DUSP1: variants seen among roughly 807,000 people sequenced by gnomAD.
DUSP1 encodes the protein dual specificity phosphatase 1.
In DUSP1, 10 loss-of-function variants were observed where a neutral mutation model predicts 27.4. The observed-to-expected ratio is 0.37, with a 90% CI of 0.23 to 0.62. The LOEUF (loss-of-function observed/expected upper bound fraction) is 0.62, where lower values mean the gene tolerates loss of function less well. DUSP1 is among the 20% of genes least tolerant of loss of function. The probability of loss-of-function intolerance (pLI) is 0.68; values close to 1 mark genes in which losing one functional copy is unlikely to be tolerated. For synonymous variants in DUSP1, 262 were observed against 223.6 expected, an observed-to-expected ratio of 1.17 and a Z score of -1.53; for missense variants, 425 against 508.1, an observed-to-expected ratio of 0.84 and a Z score of 1.57.
intron 1 of DUSP1, 27 bp downstream of exon 1, chr5:172,770,559 C>G: frequency 7.1e-7 from 1 of 1,412,262 alleles, no homozygotes; most frequent in Non-Finnish European, 9.1e-7. Context: ...GGTGTGCGGC[C>G]CGCCCCGAGC....
At chr5:172,769,194 T>C (rs1581472390) in intron 3 of DUSP1, 62 bp from the exon 4 acceptor site, 1 of 1,544,142 alleles carries the variant, frequency 6.5e-7, no homozygotes, top group Admixed American at 1.9e-5. Context: ...CAAGCCCAGG[T>C]ACAGTGTATC....
chr5:172,769,914 T>C, intron 2 of DUSP1, 120 bp from the exon 3 acceptor site: 2 of 1,274,446 alleles, frequency 1.6e-6, no homozygotes, highest in Non-Finnish European at 2.2e-6. Flanking sequence ...CTCAGTTCTG[T>C]TGCTGGAGGA....
chr5:172,769,255 C>T, intron 3 of DUSP1, 123 bp from the exon 4 acceptor site: 3 of 1,412,492 alleles, frequency 2.1e-6, no homozygotes, highest in Non-Finnish European at 2.8e-6. Flanking sequence ...TCACCACATG[C>T]CATCACATGG....
intron 3 of DUSP1, 139 bp from the exon 4 acceptor site, chr5:172,769,271 G>T: frequency 2.3e-6 from 3 of 1,331,394 alleles, no homozygotes; most frequent in Non-Finnish European, 3.0e-6. Context: ...CATGGATACT[G>T]TTCATGGAGG....
In DUSP1 at chr5:172,768,704, C is replaced by T. The variant is rs1759829240; in HGVS notation, c.*58G>A. 1.4e-6 allele frequency: 2 copies of T among 1,462,544 alleles called. No individual in the cohort carries two copies. The highest frequency in any genetic ancestry group is 1.8e-6 in the Non-Finnish European group (2 of 1,104,574). The allele number at this position is 1,462,544 out of a possible 1,614,324, so 90.6% of individuals were successfully genotyped here. A position where few individuals can be genotyped will look rare whatever the true frequency, so the allele number is the denominator to read the frequency against. On this transcript the variant is annotated 3_prime_UTR_variant, in exon 4 of 4. Coordinates refer to ENST00000239223, the MANE Select transcript of DUSP1 (RefSeq NM_004417.4). ...CCCCTCCCAGAGTTATTGCATTTCT[C>T]CTCTCAAGGAGCATGGAGTCCCAAT...
rs1346914737 is a variant in DUSP1 at position 172,770,836 on chromosome 5, G to A, written c.117C>T (p.His39=). 18 of 1,526,992 alleles carry A rather than the reference G, an allele frequency of 1.2e-5. No homozygotes were observed. The highest frequency in any genetic ancestry group is 1.5e-5 in the Non-Finnish European group (17 of 1,142,316). The allele number at this position is 1,526,992 out of a possible 1,614,324, so 94.6% of individuals were successfully genotyped here. A position where few individuals can be genotyped will look rare whatever the true frequency, so the allele number is the denominator to read the frequency against. Residue 39 remains histidine (H), a synonymous_variant, in exon 1 of 4, where the codon CAC becomes CAT. Transcript: ENST00000239223. The part of the protein sequence containing the change: ...CRSFFAFNAG[H]IAGSVNVRFS... Reference sequence around the variant, plus strand: ...AGCGCACGTTGACAGAGCCGGCGATGTGGCCGGCGTTGAAAGCGAAGAAGG... The same window carrying A: ...AGCGCACGTTGACAGAGCCGGCGATATGGCCGGCGTTGAAAGCGAAGAAGG...
rs918030422 is a variant in DUSP1 at position 172,771,058 on chromosome 5, T to G, written c.-106A>C. The G allele has an allele frequency of 2.3e-6, 3 of 1,310,584 alleles. No individual in the cohort carries two copies. The African/African-American group carries it at 4.6e-5, about 20-fold the overall frequency. The allele number at this position is 1,310,584 out of a possible 1,614,324, so 81.2% of individuals were successfully genotyped here. A position where few individuals can be genotyped will look rare whatever the true frequency, so the allele number is the denominator to read the frequency against. On this transcript the variant is annotated 5_prime_UTR_variant, in exon 1 of 4. Transcript: ENST00000239223. ...TTCGAGGAAAAGCTAGACCCCCGGG[T>G]CTCTCTGCGCCGAACCAAAAGCCGC...
At chr5:172,769,990 A>G (rs566115370) in intron 2 of DUSP1, among the ~76,000 whole-genome samples, 171 bp downstream of exon 2, 29 of 152,258 alleles carry the variant, frequency 1.9e-4, no homozygotes, top group Non-Finnish European at 2.9e-4. Flanking sequence ...CGTAGAGCCT[A>G]CAATTGGAGA....
rs1392065749 is a variant in DUSP1, at chr5:172,769,710, T to C, written c.598A>G (p.Ile200Val). 1.2e-6 allele frequency: 2 copies of C among 1,614,260 alleles called. No individual in the cohort carries two copies. Among genetic ancestry groups the C allele is most frequent in the Non-Finnish European group, 1.7e-6 (2 of 1,180,048 alleles). The change falls in exon 3 of 4, where the codon ATC becomes GTC. Residue 200 changes from isoleucine (I) to valine (V), a missense_variant. Transcript: ENST00000239223. ...SRKDMLDALG[I>V]TALINVSANC... Reference sequence around the variant, plus strand: ...GCTGAGACGTTGATCAAGGCAGTGATGCCCAAGGCATCCAGCATGTCCTTG... The same window carrying C: ...GCTGAGACGTTGATCAAGGCAGTGACGCCCAAGGCATCCAGCATGTCCTTG...
Position 172,769,667 on chromosome 5 carries a change from A to G in DUSP1, c.641T>C (p.Phe214Ser). Reference protein sequence around the residue: ...INVSANCPNHFEGHYQYKSIP... With the variant: ...INVSANCPNHSEGHYQYKSIP... ...GCTCTTGTACTGGTAGTGACCCTCA[A>G]AATGGTTGGGACAATTGGCTGAGAC... is the stretch of plus-strand genomic sequence containing the variant. The change falls in exon 3 of 4, where the codon TTT (phenylalanine) becomes TCT (serine). Residue 214 changes from phenylalanine to serine, a missense_variant. Phe to Ser is a radical substitution (Grantham distance 155, BLOSUM62 -2). Coordinates refer to ENST00000239223, the MANE Select transcript of DUSP1 (RefSeq NM_004417.4). 1 of 1,614,266 alleles carries G rather than the reference A, an allele frequency of 6.2e-7. No individual in the cohort carries two copies. The highest frequency in any genetic ancestry group is 8.5e-7 in the Non-Finnish European group (1 of 1,180,048).
In DUSP1 at chr5:172,771,139, G is replaced by T. The variant is rs1199228309; in HGVS notation, c.-187C>A. ...GCTCCGGGCTCCTCGGCTTCTTCGC[G>T]GTTCCCCCGACTGCCCCTCCGACCC... On this transcript the variant is annotated 5_prime_UTR_variant, in exon 1 of 4. Transcript: ENST00000239223. 5.0e-6 allele frequency: 4 copies of T among 793,254 alleles called. No individual in the cohort carries two copies. Among genetic ancestry groups the T allele is most frequent in the Admixed American group, 4.3e-5 (1 of 23,382 alleles). The allele number at this position is 793,254 out of a possible 1,614,324, so 49.1% of individuals were successfully genotyped here.
At chr5:172,770,450 T>A (rs1306735691) in intron 1 of DUSP1, 136 bp downstream of exon 1, 1 of 1,531,340 alleles carries the variant, frequency 6.5e-7, no homozygotes, top group Non-Finnish European at 8.7e-7. Context: ...ACAAAGCCAA[T>A]GACAAGTTCC....
At position 172,770,774 on chromosome 5, in the gene DUSP1, A is replaced by C; in HGVS notation, c.179T>G (p.Met60Arg). 6.7e-7 allele frequency: 1 copy of C among 1,498,544 alleles called. No individual in the cohort carries two copies. The highest frequency in any genetic ancestry group is 8.9e-7 in the Non-Finnish European group (1 of 1,129,318). The allele number at this position is 1,498,544 out of a possible 1,614,324, so 92.8% of individuals were successfully genotyped here. A position where few individuals can be genotyped will look rare whatever the true frequency, so the allele number is the denominator to read the frequency against. The change falls in exon 1 of 4, where the codon ATG becomes AGG. Residue 60 changes from methionine (M) to arginine (R), a missense_variant. Around this residue, in one of 3 missense-constraint regions of DUSP1, gnomAD observed 282 missense variants for 319.3 expected, o/e 0.88. Transcript: ENST00000239223. ...GTTGGGCACGATGTGCTCCAGGCCC[A>C]TGGCGCCCTTGGCCCGGCGCCGCAC... ...TIVRRRAKGA[M>R]GLEHIVPNAE... is the part of the protein sequence containing the mutation.
rs1263882417 is a variant in DUSP1 at position 172,770,753 on chromosome 5, G to A, written c.200C>T (p.Pro67Leu). The A allele has an allele frequency of 7.6e-6, 11 of 1,455,644 alleles. No homozygotes were observed. The highest frequency in any genetic ancestry group is 9.9e-6 in the Non-Finnish European group (11 of 1,107,408). The allele number at this position is 1,455,644 out of a possible 1,614,324, so 90.2% of individuals were successfully genotyped here. A position where few individuals can be genotyped will look rare whatever the true frequency, so the allele number is the denominator to read the frequency against. Residue 67 changes from proline (P) to leucine (L), a missense_variant, in exon 1 of 4, where the codon CCC becomes CTC. By Grantham distance (98) the Pro-to-Leu change is moderately conservative (BLOSUM62 -3). Around this residue, in one of 3 missense-constraint regions of DUSP1, gnomAD observed 282 missense variants for 319.3 expected, o/e 0.88. Coordinates refer to ENST00000239223, the MANE Select transcript of DUSP1 (RefSeq NM_004417.4). ...KGAMGLEHIVPNAELRGRLLA... is the reference protein window; with the variant it reads ...KGAMGLEHIVLNAELRGRLLA... The stretch of plus-strand genomic sequence containing the variant: ...CAGGCGGCCGCGGAGCTCGGCGTTG[G>A]GCACGATGTGCTCCAGGCCCATGGC...
At chr5:172,769,525 T>C (rs1759847716) in intron 3 of DUSP1, 50 bp downstream of exon 3, 5 of 1,606,010 alleles carry the variant, frequency 3.1e-6, no homozygotes, top group Non-Finnish European at 4.3e-6. Context: ...GCTTAGTGGC[T>C]AAAATGAGAA....
chr5:172,769,981 G>A lies in DUSP1; in HGVS notation c.513+180C>T, dbSNP rs574626725. On this transcript the variant is annotated intron_variant, in intron 2 of 3. Transcript: ENST00000239223. ...GGGCAGGACCAGCAAGTTCATTTCCGTAGAGCCTACAATTGGAGACTCGGC... is the reference window on the plus strand; with the variant it reads ...GGGCAGGACCAGCAAGTTCATTTCCATAGAGCCTACAATTGGAGACTCGGC... Among the ~76,000 whole-genome samples, 39 of 152,356 alleles carry A rather than the reference G, an allele frequency of 2.6e-4. No homozygotes were observed. The South Asian group carries it at 4.8e-3, about 19-fold the overall frequency.
Position 172,769,578 on chromosome 5 carries a change from T to A in DUSP1, c.730A>T (p.Ile244Leu). The A allele has an allele frequency of 6.2e-7, 1 of 1,614,182 alleles. No homozygotes were observed. The highest frequency in any genetic ancestry group is 8.5e-7 in the Non-Finnish European group (1 of 1,180,004). The change falls in exon 3 of 4, where the codon ATA becomes TTA. Residue 244 changes from isoleucine to leucine, a missense_variant. Around this residue, in one of 3 missense-constraint regions of DUSP1, gnomAD observed 59 missense variants for 108.4 expected, o/e 0.54. Transcript: ENST00000239223. ...CCCAGGCATCCATTCCATTTACCTA[T>A]GAAGTCAATGGCCTCGTTGAACCAG... ...SSWFNEAIDF[I>L]DSIKNAGGRV...
At position 172,771,016 on chromosome 5, in the gene DUSP1, A is replaced by C; in HGVS notation, c.-64T>G. The C allele has an allele frequency of 1.5e-6, 2 of 1,315,758 alleles. No individual in the cohort carries two copies. The highest frequency in any genetic ancestry group is 9.7e-7 in the Non-Finnish European group (1 of 1,030,250). The allele number at this position is 1,315,758 out of a possible 1,614,324, so 81.5% of individuals were successfully genotyped here. A position where few individuals can be genotyped will look rare whatever the true frequency, so the allele number is the denominator to read the frequency against. On this transcript the variant is annotated 5_prime_UTR_variant, in exon 1 of 4. Transcript: ENST00000239223. ...TGCTCTTTGTCTGTTCTCGGGGCCA[A>C]GGGCAGGGCGGCGCTTTTCGAGGAA...
chr5:172,769,248 C>A, intron 3 of DUSP1, 116 bp from the exon 4 acceptor site: 1 of 1,441,878 alleles, frequency 6.9e-7, no homozygotes, highest in Non-Finnish European at 9.2e-7. Context: ...GTCAACATCA[C>A]CACATGCCAT....
Sources: gnomAD v4.1 joint callset for allele counts (sites outside exome capture counted in the v4.1 genomes callset) on GRCh38, gnomAD v4.1.1 for gene constraint, gnomAD v4.1.1 regional missense constraint, MANE v1.5 for transcripts, NCBI Gene and HGNC (gene_info 2026-07-23, HGNC 2026-07-21) for gene names.